RIC1: variants seen among roughly 807,000 people sequenced by gnomAD.
RIC1 encodes RIC1 partner of RAB6A GEF complex, also known as guanine nucleotide exchange factor subunit RIC1.
RIC1 carries 88 observed loss-of-function variants against 169.0 expected under a neutral mutation model. The observed-to-expected ratio is 0.52, with a 90% CI of 0.44 to 0.62. The LOEUF (loss-of-function observed/expected upper bound fraction) is 0.62. RIC1 is among the 20% of genes least tolerant of loss of function. The pLI, the probability that RIC1 is intolerant of heterozygous loss-of-function variation, is 0.00. For missense variants in RIC1, 1,877 were observed against 1,725.5 expected (o/e 1.09, Z -1.56); for synonymous variants, 790 against 601.5 (o/e 1.31, Z -4.59).
intron 7 of RIC1, among the ~76,000 whole-genome samples, chr9:5,734,452 A>G (rs1417330296): frequency 5.9e-5 from 9 of 152,072 alleles, no homozygotes; most frequent in African/African-American, 1.9e-4. Context: ...ATCTCTTCCT[A>G]TGTCATTTTG....
chr9:5,717,400 A>G (rs1347904113), intron 4 of RIC1, among the ~76,000 whole-genome samples: 6 of 152,152 alleles, frequency 3.9e-5, no homozygotes, highest in African/African-American at 7.2e-5. Flanking sequence ...TCACTGGTAA[A>G]CCAGTGACTA....
intron 17 of RIC1, among the ~76,000 whole-genome samples, 172 bp downstream of exon 17, chr9:5,757,623 TTAAA>T (rs150107689): frequency 0.052 from 7,960 of 152,292 alleles, 639 homozygotes; most frequent in African/African-American, 0.18. Flanking sequence ...TGCTCAGGCA[TTAAA>T]TAAATAATTA....
chr9:5,684,035 C>T (rs1299069000), intron 2 of RIC1, among the ~76,000 whole-genome samples: 2 of 152,142 alleles, frequency 1.3e-5, no homozygotes, highest in African/African-American at 2.4e-5. Flanking sequence ...TTTCCTGGTG[C>T]CGTCTGTCAC....
At chr9:5,771,829 C>T (rs1301660107) in intron 23 of RIC1, among the ~76,000 whole-genome samples, 2 of 152,282 alleles carry the variant, frequency 1.3e-5, no homozygotes, top group East Asian at 3.9e-4. Flanking sequence ...GGCCGTCACT[C>T]AGCTTACATC....
At chr9:5,707,750 A>G (rs1003668375) in intron 3 of RIC1, among the ~76,000 whole-genome samples, 1 of 151,810 alleles carries the variant, frequency 6.6e-6, no homozygotes, top group African/African-American at 2.4e-5. Context: ...TCCACCTTCA[A>G]CTTGTTTCCT....
intron 6 of RIC1, among the ~76,000 whole-genome samples, chr9:5,729,197 G>A (rs558300390): frequency 2.6e-5 from 4 of 152,260 alleles, no homozygotes; most frequent in African/African-American, 9.6e-5. Context: ...TTTTCAGTGT[G>A]GTCCATAGGC....
chr9:5,753,641 A>G lies in RIC1; in HGVS notation c.1597A>G (p.Thr533Ala). ...TKKWKLFGNITQEQNMIVTGG... is the reference protein window; with the variant it reads ...TKKWKLFGNIAQEQNMIVTGG... ...AAAATGGAAACTTTTTGGAAACATT[A>G]CCCAGGTTAGTCTTTTTTGAGATTA... Residue 533 changes from threonine to alanine, a missense_variant, in exon 14 of 26, where the codon ACC (threonine) becomes GCC (alanine). Physicochemically the swap from Thr to Ala is moderately conservative, Grantham distance 58. Around this residue, in one of 3 missense-constraint regions of RIC1, gnomAD observed 1,104 missense variants for 992.0 expected, o/e 1.11. Coordinates refer to ENST00000414202, the MANE Select transcript of RIC1 (RefSeq NM_020829.4). 1 of 1,541,508 alleles carries G rather than the reference A, an allele frequency of 6.5e-7. No individual in the cohort carries two copies. The highest frequency in any genetic ancestry group is 8.9e-7 in the Non-Finnish European group (1 of 1,122,816).
chr9:5,770,181 G>C lies in RIC1; in HGVS notation c.3519G>C (p.Trp1173Cys), dbSNP rs1827110844. ...GISNIQRSQSWLSNIGPTHHE... is the reference protein window; with the variant it reads ...GISNIQRSQSCLSNIGPTHHE... Reference sequence around the variant, plus strand: ...CCAACATCCAGCGAAGTCAGAGCTGGCTCAGCAACATTGGCCCCACCCATC... The same window carrying C: ...CCAACATCCAGCGAAGTCAGAGCTGCCTCAGCAACATTGGCCCCACCCATC... The change falls in exon 23 of 26, where the codon TGG becomes TGC. Residue 1173 changes from tryptophan to cysteine, a missense_variant. Around this residue, in one of 3 missense-constraint regions of RIC1, gnomAD observed 681 missense variants for 582.0 expected, o/e 1.17. Transcript: ENST00000414202. The C allele has an allele frequency of 6.2e-7, 1 of 1,613,790 alleles. No homozygotes were observed. The highest frequency in any genetic ancestry group is 1.3e-5 in the African/African-American group (1 of 74,886).
At chr9:5,758,722 C>CTTTTTTTTTTTTTTTTTTTTTCTTTTT (rs754931692) in intron 17 of RIC1, among the ~76,000 whole-genome samples, 2 of 98,426 alleles carry the variant, frequency 2.0e-5, no homozygotes, top group African/African-American at 4.0e-5. Context: ...GGTCTCCCTT[C>CTTTTTTTTTTTTTTTTTTTTTCTTTTT]TTTTTTTTTT....
intron 3 of RIC1, among the ~76,000 whole-genome samples, chr9:5,712,217 T>C (rs200674578): frequency 6.6e-6 from 1 of 152,166 alleles, no homozygotes; most frequent in Non-Finnish European, 1.5e-5. Flanking sequence ...TCCTATTTCT[T>C]CACATCCTCT....
In RIC1 at chr9:5,731,549, C is replaced by T. The variant is rs547397730; in HGVS notation, c.721-839C>T. Among the ~76,000 whole-genome samples, 4 of 152,134 alleles carry T rather than the reference C, an allele frequency of 2.6e-5. No individual in the cohort carries two copies. The South Asian group carries it at 8.3e-4, about 32-fold the overall frequency. On this transcript the variant is annotated intron_variant, in intron 6 of 25. Transcript: ENST00000414202. The stretch of plus-strand genomic sequence containing the variant: ...GCTATATTATAGTGTGCCACTTTTT[C>T]TGCTAACTGAACTAATGATTATGAC...
chr9:5,709,643 C>T (rs1822815014), intron 3 of RIC1, among the ~76,000 whole-genome samples: 1 of 152,194 alleles, frequency 6.6e-6, no homozygotes, highest in African/African-American at 2.4e-5. Context: ...ACTTATTCTT[C>T]TAGCCTCATC....
intron 6 of RIC1, among the ~76,000 whole-genome samples, chr9:5,727,617 G>A (rs920982480): frequency 6.6e-6 from 1 of 152,204 alleles, no homozygotes; most frequent in Non-Finnish European, 1.5e-5. Flanking sequence ...AGGTGAAGAG[G>A]TGCTCTGATT....
At chr9:5,630,730 T>G (rs1407894974) in intron 1 of RIC1, among the ~76,000 whole-genome samples, 1 of 152,222 alleles carries the variant, frequency 6.6e-6, no homozygotes, top group Non-Finnish European at 1.5e-5. Context: ...AGTGCCTGAT[T>G]GTATTTTGAA....
In RIC1 at chr9:5,646,405, C is replaced by T. The variant is rs7042336; in HGVS notation, c.145-10178C>T. Among the ~76,000 whole-genome samples, 1,378 of 151,964 alleles carry T rather than the reference C, an allele frequency of 9.1e-3. 20 individuals carry two copies. The highest frequency in any genetic ancestry group is 0.032 in the African/African-American group (1,318 of 41,426). On this transcript the variant is annotated intron_variant, in intron 1 of 25. Coordinates refer to ENST00000414202, the MANE Select transcript of RIC1 (RefSeq NM_020829.4). Reference sequence around the variant, plus strand: ...ACAGACTGCATTATATGATGGTGGCCCTATAAAATTCTAATGGAGCTGAAA... The same window carrying T: ...ACAGACTGCATTATATGATGGTGGCTCTATAAAATTCTAATGGAGCTGAAA...
At chr9:5,655,994 T>TG (rs1819074528) in intron 1 of RIC1, among the ~76,000 whole-genome samples, 1 of 151,876 alleles carries the variant, frequency 6.6e-6, no homozygotes, top group African/African-American at 2.4e-5. Flanking sequence ...CTCAGCCTCC[T>TG]GAGTAGCTGG....
intron 16 of RIC1, 48 bp from the exon 17 acceptor site, chr9:5,757,265 C>T: frequency 6.2e-7 from 1 of 1,602,574 alleles, no homozygotes; most frequent in Non-Finnish European, 8.5e-7. Context: ...GAAAGAAAAT[C>T]TTATTAGCAT....
chr9:5,729,277 C>T (rs769057312), intron 6 of RIC1, among the ~76,000 whole-genome samples: 11 of 152,052 alleles, frequency 7.2e-5, no homozygotes, highest in South Asian at 4.1e-4. Flanking sequence ...TCCAGTTTTC[C>T]GTAGGAGTGG....
At chr9:5,651,700 A>G (rs562350986) in intron 1 of RIC1, among the ~76,000 whole-genome samples, 1 of 151,136 alleles carries the variant, frequency 6.6e-6, no homozygotes, top group East Asian at 2.0e-4. Flanking sequence ...AGTAGCTGAG[A>G]TTACAGGTGC....
Sources: allele counts gnomAD v4.1 joint callset (sites outside exome capture counted in the v4.1 genomes callset), GRCh38; gene constraint gnomAD v4.1.1; regional missense constraint gnomAD v4.1.1; transcripts MANE v1.5; gene names NCBI Gene and HGNC (gene_info 2026-07-23, HGNC 2026-07-21).